Variants in RPH3A observed in about 807,000 individuals in gnomAD.
The protein encoded by RPH3A is rabphilin 3A.
A neutral mutation model predicts 102.2 loss-of-function variants in RPH3A; 48 were observed. The observed-to-expected ratio is 0.47, with a 90% CI of 0.37 to 0.60. The LOEUF is 0.60. Among genes scored for constraint, RPH3A ranks in the 20% least tolerant of loss-of-function variants. The pLI is 0.00. For synonymous variants in RPH3A, 310 were observed against 324.3 expected, an observed-to-expected ratio of 0.96 and a Z score of 0.47; for missense variants, 781 against 910.1, an observed-to-expected ratio of 0.86 and a Z score of 1.83.
intron 2 of RPH3A, among the ~76,000 whole-genome samples, chr12:112,810,930 G>A (rs1219201143): frequency 6.6e-6 from 1 of 151,024 alleles, no homozygotes; most frequent in Non-Finnish European, 1.5e-5. Flanking sequence ...TATGTTATTT[G>A]TTTTATATAT....
intron 10 of RPH3A, among the ~76,000 whole-genome samples, chr12:112,871,501 C>T (rs2042707586): frequency 6.6e-6 from 1 of 152,134 alleles, no homozygotes; most frequent in African/African-American, 2.4e-5. Flanking sequence ...CAAGGTTCAC[C>T]CGTGTTGTAG....
intron 1 of RPH3A, among the ~76,000 whole-genome samples, chr12:112,641,607 G>A (rs1370762262): frequency 6.6e-6 from 1 of 152,164 alleles, no homozygotes; most frequent in Non-Finnish European, 1.5e-5. Context: ...ATGTTGGTCA[G>A]GTTGGTCTCA....
chr12:112,759,688 G>A (rs1427132166), intron 1 of RPH3A, among the ~76,000 whole-genome samples: 2 of 152,198 alleles, frequency 1.3e-5, no homozygotes, highest in East Asian at 3.8e-4. Flanking sequence ...GTGGACAAAT[G>A]AGGAACCTTG....
intron 1 of RPH3A, among the ~76,000 whole-genome samples, chr12:112,784,166 A>G (rs1370606375): frequency 6.6e-6 from 1 of 152,212 alleles, no homozygotes; most frequent in Admixed American, 6.5e-5. Context: ...AAAATGTAGA[A>G]TCTTCCAGCA....
At chr12:112,586,190 T>C (rs2039437912) in intron 1 of RPH3A, among the ~76,000 whole-genome samples, 1 of 152,210 alleles carries the variant, frequency 6.6e-6, no homozygotes, top group African/African-American at 2.4e-5. Flanking sequence ...TCCACGCTTG[T>C]ATTAATAAAG....
At chr12:112,771,733 G>T (rs182894842) in intron 1 of RPH3A, among the ~76,000 whole-genome samples, 2 of 152,092 alleles carry the variant, frequency 1.3e-5, no homozygotes, top group East Asian at 3.9e-4. Flanking sequence ...ATGTGTTATC[G>T]CATTTCTAAT....
intron 2 of RPH3A, among the ~76,000 whole-genome samples, chr12:112,802,838 C>T (rs910847376): frequency 1.3e-5 from 2 of 152,154 alleles, no homozygotes; most frequent in African/African-American, 4.8e-5. Context: ...TCTGTCCTCT[C>T]CCCAGGGCCT....
chr12:112,727,038 T>C (rs905911529), intron 1 of RPH3A, among the ~76,000 whole-genome samples: 10 of 151,162 alleles, frequency 6.6e-5, no homozygotes, highest in East Asian at 3.9e-4. Context: ...AATAAACAAA[T>C]AAATAAATAA....
chr12:112,851,135 TA>T (rs902763443), intron 5 of RPH3A, among the ~76,000 whole-genome samples: 43 of 152,332 alleles, frequency 2.8e-4, no homozygotes, highest in African/African-American at 1.0e-3. Context: ...TGCAATTTAT[TA>T]AGCACTTACT....
intron 2 of RPH3A, among the ~76,000 whole-genome samples, chr12:112,798,741 CT>C (rs1030069160): frequency 7.2e-5 from 11 of 152,088 alleles, no homozygotes; most frequent in Non-Finnish European, 1.5e-4. Context: ...ATCTCTCCCC[CT>C]CTCTCTCCTT....
intron 2 of RPH3A, among the ~76,000 whole-genome samples, chr12:112,795,010 G>A (rs7962086): frequency 0.015 from 2,230 of 152,314 alleles, 60 homozygotes; most frequent in African/African-American, 0.05. Flanking sequence ...CACAGGGGTA[G>A]CCTGGAAAGT....
intron 14 of RPH3A, among the ~76,000 whole-genome samples, chr12:112,880,627 A>G (rs1479409331): frequency 6.6e-6 from 1 of 152,162 alleles, no homozygotes; most frequent in East Asian, 1.9e-4. Flanking sequence ...CAATGGACAC[A>G]ATACACTTGA....
At chr12:112,894,683 A>G (rs996023233) in intron 20 of RPH3A, 24 bp downstream of exon 20, 2 of 1,604,820 alleles carry the variant, frequency 1.2e-6, no homozygotes. Context: ...ATTCTTTTTC[A>G]TGCTCTGGGA....
intron 1 of RPH3A, among the ~76,000 whole-genome samples, chr12:112,718,593 C>T (rs962089392): frequency 5.3e-5 from 8 of 152,214 alleles, no homozygotes; most frequent in Admixed American, 3.3e-4. Flanking sequence ...CCCTTTCCTT[C>T]AGTTGAGAAC....
chr12:112,729,037 C>T (rs989448563), intron 1 of RPH3A, among the ~76,000 whole-genome samples: 1 of 152,026 alleles, frequency 6.6e-6, no homozygotes, highest in Non-Finnish European at 1.5e-5. Context: ...AAAAGTGTCA[C>T]TTAGCATGGA....
chr12:112,724,847 T>C (rs1050744983), intron 1 of RPH3A, among the ~76,000 whole-genome samples: 1 of 152,012 alleles, frequency 6.6e-6, no homozygotes, highest in Non-Finnish European at 1.5e-5. Flanking sequence ...CACACGCCTG[T>C]AGTCCCAGCT....
chr12:112,874,762 A>G, intron 10 of RPH3A: 1 of 284,678 alleles, frequency 3.5e-6, no homozygotes, highest in Non-Finnish European at 6.6e-6. Flanking sequence ...TCTATCAGCT[A>G]AGTGATTATC....
intron 1 of RPH3A, among the ~76,000 whole-genome samples, chr12:112,659,885 T>G (rs921300311): frequency 2.0e-5 from 3 of 152,176 alleles, no homozygotes; most frequent in African/African-American, 7.2e-5. Context: ...TACAGGATAC[T>G]CCAGTTTCAT....
intron 16 of RPH3A, 142 bp from the exon 17 acceptor site, chr12:112,887,654 GT>G: frequency 1.1e-6 from 1 of 915,320 alleles, no homozygotes; most frequent in East Asian, 2.6e-5. Context: ...AAGGTACTTG[GT>G]CCAGTGATAA....
Sources: gnomAD v4.1 joint callset for allele counts (sites outside exome capture counted in the v4.1 genomes callset) on GRCh38, gnomAD v4.1.1 for gene constraint, MANE v1.5 for transcripts, NCBI Gene and HGNC (gene_info 2026-07-23, HGNC 2026-07-21) for gene names.